Variants in HOXB3 observed in about 807,000 individuals in gnomAD.
HOXB3 encodes homeobox B3.
A neutral mutation model predicts 29.2 loss-of-function variants in HOXB3; 17 were observed. The ratio of observed to expected loss-of-function variants is 0.58; its 90% confidence interval spans 0.40 to 0.87. The LOEUF (loss-of-function observed/expected upper bound fraction) is 0.87. Ranked by LOEUF, HOXB3 falls within the 40% of genes least tolerant of loss-of-function variation. HOXB3 has a pLI of 0.00. For missense variants in HOXB3, 637 were observed against 616.3 expected (o/e 1.03, Z -0.35); for synonymous variants, 317 against 285.9 (o/e 1.11, Z -1.10).
At chr17:48,569,065 C>G (rs4793935) in intron 2 of HOXB3, among the ~76,000 whole-genome samples, 1 of 150,710 alleles carries the variant, frequency 6.6e-6, no homozygotes, top group Non-Finnish European at 1.5e-5. Flanking sequence ...CTCTCTCCCC[C>G]CTCTCTTTTT....
intron 2 of HOXB3, among the ~76,000 whole-genome samples, chr17:48,558,258 T>A (rs933436266): frequency 6.6e-6 from 1 of 152,064 alleles, no homozygotes; most frequent in Non-Finnish European, 1.5e-5. Context: ...GGAGCTGAGC[T>A]GGGAGTGGAG....
At chr17:48,580,040 C>T in intron 1 of HOXB3, 1 of 425,428 alleles carries the variant, frequency 2.4e-6, no homozygotes, top group Non-Finnish European at 4.7e-6. Context: ...TCGTTTTGTT[C>T]TAGTTTTGAG....
chr17:48,579,843 G>T, intron 1 of HOXB3: 1 of 492,900 alleles, frequency 2.0e-6, no homozygotes, highest in Non-Finnish European at 4.1e-6. Context: ...AAATAAGAGC[G>T]GAGTGTTTAT....
At chr17:48,577,854 C>A in intron 1 of HOXB3, 3 of 1,401,824 alleles carry the variant, frequency 2.1e-6, no homozygotes, top group Non-Finnish European at 2.8e-6. Flanking sequence ...GGGGTGCCCA[C>A]GCACTCACCC....
intron 2 of HOXB3, among the ~76,000 whole-genome samples, chr17:48,569,328 C>A (rs2069505429): frequency 6.6e-6 from 1 of 152,114 alleles, no homozygotes; most frequent in Non-Finnish European, 1.5e-5. Flanking sequence ...ACCAATGGAA[C>A]AGTAGTGAGG....
At chr17:48,574,036 G>A (rs1246404813) in intron 1 of HOXB3, 22 bp from the exon 2 acceptor site, 5 of 606,710 alleles carry the variant, frequency 8.2e-6, no homozygotes, top group Non-Finnish European at 1.5e-5. Context: ...TAACAAAGGA[G>A]AGAGGATACG....
Position 48,550,565 on chromosome 17 carries a change from C to G in HOXB3, c.1065G>C (p.Gly355=), listed in dbSNP as rs778477263. The change falls in exon 5 of 5, where the codon GGG becomes GGC. Residue 355 remains glycine (G), a synonymous_variant. Transcript: ENST00000498678. ...GCGGCAGCGGATCCGCGTAGCCGCC[C>G]CCGCCCACGTACACCGGACTGCCCT... ...TMQGSPVYVG[G]GGYADPLPPP... The G allele has an allele frequency of 3.3e-6, 5 of 1,523,658 alleles. No individual in the cohort carries two copies. The South Asian group carries it at 6.6e-5, about 20-fold the overall frequency. The allele number at this position is 1,523,658 out of a possible 1,614,324, so 94.4% of individuals were successfully genotyped here.
At chr17:48,577,776 C>T in intron 1 of HOXB3, 1 of 1,208,178 alleles carries the variant, frequency 8.3e-7, no homozygotes, top group South Asian at 3.2e-5. Context: ...GCTTCCCCAG[C>T]TCAACCCCCC....
rs2068804927 is a variant in HOXB3, at chr17:48,552,582, C to CCA, written c.-110_-109dup. 2 of 767,574 alleles carry CCA rather than the reference C, an allele frequency of 2.6e-6. No homozygotes were observed. The highest frequency in any genetic ancestry group is 6.4e-5 in the Admixed American group (2 of 31,240). 47.5% of individuals were successfully genotyped at this position (767,574 alleles called of 1,614,324 possible). On this transcript the variant is annotated 5_prime_UTR_variant, in exon 4 of 5. An upstream open reading frame in the 5' UTR gains an earlier in-frame stop. Coordinates refer to ENST00000498678, the MANE Select transcript of HOXB3 (RefSeq NM_001384749.1). ...ACGTGACACGCCGGACCCCCCCCCCCCACCTCCCCTCTCTGCCCCCCTCCT... is the reference window on the plus strand; with the variant it reads ...ACGTGACACGCCGGACCCCCCCCCCCCACACCTCCCCTCTCTGCCCCCCTCCT...
chr17:48,570,411 A>G (rs2069550051), intron 2 of HOXB3, among the ~76,000 whole-genome samples: 1 of 152,206 alleles, frequency 6.6e-6, no homozygotes, highest in South Asian at 2.1e-4. Flanking sequence ...CAGAAAAGAC[A>G]TTCCTGAAGA....
At chr17:48,553,187 C>T (rs2068835395) in intron 3 of HOXB3, 1 of 148,788 alleles carries the variant, frequency 6.7e-6, no homozygotes, top group South Asian at 2.1e-4. Context: ...CTCCACTTCC[C>T]ACCACTCTCC....
chr17:48,575,108 G>A (rs1318235020), intron 1 of HOXB3: 1 of 152,246 alleles, frequency 6.6e-6, no homozygotes, highest in Non-Finnish European at 1.5e-5. Flanking sequence ...AATAACCAAA[G>A]AGCCTTCTGT....
At position 48,554,802 on chromosome 17, in the gene HOXB3, C is replaced by G; in HGVS notation, c.-159+729G>C. Reference sequence around the variant, plus strand: ...GCGCCTTAGAAACTCCGCTTCGGGACTTTGCTCAGCAGGGCTCCGGGTTGG... The same window carrying G: ...GCGCCTTAGAAACTCCGCTTCGGGAGTTTGCTCAGCAGGGCTCCGGGTTGG... On this transcript the variant is annotated intron_variant, in intron 3 of 4. Transcript: ENST00000498678. The surrounding 1 kb of genome is among the most constrained non-coding windows in gnomAD (Gnocchi z 4.1). The G allele has an allele frequency of 1.4e-6, 1 of 702,334 alleles. No homozygotes were observed. The highest frequency in any genetic ancestry group is 1.5e-5 in the South Asian group (1 of 67,596). 43.5% of individuals were successfully genotyped at this position (702,334 alleles called of 1,614,324 possible).
chr17:48,555,736 G>A, intron 2 of HOXB3, 118 bp from the exon 3 acceptor site: 1 of 649,780 alleles, frequency 1.5e-6, no homozygotes, highest in Non-Finnish European at 2.8e-6. Context: ...GGCCAGAGGA[G>A]CCGCGCGGCG....
At chr17:48,587,214 C>G (rs1278509251) in intron 1 of HOXB3, among the ~76,000 whole-genome samples, 1 of 152,112 alleles carries the variant, frequency 6.6e-6, no homozygotes, top group Non-Finnish European at 1.5e-5. Context: ...TTAAGGGGCC[C>G]CCGTTTTTCC....
At chr17:48,563,990 A>G (rs529096591) in intron 2 of HOXB3, among the ~76,000 whole-genome samples, 107 of 151,790 alleles carry the variant, frequency 7.0e-4, no homozygotes, top group Non-Finnish European at 1.2e-3. Flanking sequence ...TCATGTCCAC[A>G]CGCCCACCCA....
At chr17:48,558,789 A>T (rs1488882257) in intron 2 of HOXB3, among the ~76,000 whole-genome samples, 16 of 152,106 alleles carry the variant, frequency 1.1e-4, no homozygotes, top group Admixed American at 1.0e-3. Context: ...GGAAAAGAGA[A>T]GCAGGAGAAG....
rs530713063 is a variant in HOXB3 at position 48,561,183 on chromosome 17, A to AACACACACACACACACACACACACAC, written c.-246-5591_-246-5566dup. 8.4e-4 allele frequency among the ~76,000 whole-genome samples: 105 copies of AACACACACACACACACACACACACAC among 125,486 alleles called. 1 individual carries two copies. The highest frequency in any genetic ancestry group is 2.4e-3 in the East Asian group (9 of 3,780). 82.3% of individuals were successfully genotyped at this position (125,486 alleles called of 152,430 possible). ...CAACAAGAGCGAAACTCCGTCTCAA[A>AACACACACACACACACACACACACAC]ACACACACACACACACACACACACA... On this transcript the variant is annotated intron_variant, in intron 2 of 4. Coordinates refer to ENST00000498678, the MANE Select transcript of HOXB3 (RefSeq NM_001384749.1).
At position 48,589,339 on chromosome 17, in the gene HOXB3, A is replaced by G. The variant is rs528524912; in HGVS notation, c.-425+786T>C. ...TTGCCAGAGTTCTACTTAAACACCT[A>G]ACACCTCTAGGCAAGAGAAGAAGCT... On this transcript the variant is annotated intron_variant, in intron 1 of 4. Transcript: ENST00000498678. Among the ~76,000 whole-genome samples the G allele has an allele frequency of 3.3e-5, 5 of 152,276 alleles. No individual in the cohort carries two copies. The South Asian group carries it at 6.2e-4, about 19-fold the overall frequency.
Sources: allele counts gnomAD v4.1 joint callset (sites outside exome capture counted in the v4.1 genomes callset), GRCh38; gene constraint gnomAD v4.1.1; non-coding constraint Gnocchi (gnomAD v3.1); transcripts MANE v1.5; gene names NCBI Gene and HGNC (gene_info 2026-07-23, HGNC 2026-07-21).